The following PPM1L variants were observed in gnomAD, a reference collection of about 807,000 sequenced individuals.
PPM1L encodes protein phosphatase, Mg2+/Mn2+ dependent 1L.
PPM1L carries 13 observed loss-of-function variants against 31.4 expected under a neutral mutation model. The observed-to-expected ratio is 0.41, with a 90% CI of 0.27 to 0.66. The LOEUF (loss-of-function observed/expected upper bound fraction) is 0.66, where lower values mean the gene tolerates loss of function less well. Ranked by LOEUF, PPM1L falls within the 30% of genes least tolerant of loss-of-function variation. The pLI, the probability that PPM1L is intolerant of heterozygous loss-of-function variation, is 0.29. For missense variants in PPM1L, 326 were observed against 453.7 expected, an observed-to-expected ratio of 0.72 and a Z score of 2.56; for synonymous variants, 184 against 175.4, an observed-to-expected ratio of 1.05 and a Z score of -0.39.
At chr3:160,995,535 G>A (rs1717288492) in intron 2 of PPM1L, among the ~76,000 whole-genome samples, 2 of 152,078 alleles carry the variant, frequency 1.3e-5, no homozygotes, top group Non-Finnish European at 2.9e-5. Flanking sequence ...TGGCCAAGCT[G>A]GTCTCGAACT....
In PPM1L at chr3:161,073,304, A is replaced by C. The variant is rs1335895588; in HGVS notation, c.*4147A>C. 1 of 152,184 alleles carries C rather than the reference A, an allele frequency of 6.6e-6. No individual in the cohort carries two copies. Among genetic ancestry groups the C allele is most frequent in the Non-Finnish European group, 1.5e-5 (1 of 68,032 alleles). The allele number at this position is 152,184 out of a possible 1,614,324, so 9.4% of individuals were successfully genotyped here. ...TAATTTGACCACAGAAACTTTTTTG[A>C]GTGGCACCTAGTAACACTGCAAGGA... On this transcript the variant is annotated 3_prime_UTR_variant, in exon 4 of 4. Transcript: ENST00000498165.
chr3:161,015,088 G>A (rs1718040157), intron 2 of PPM1L, among the ~76,000 whole-genome samples: 2 of 150,732 alleles, frequency 1.3e-5, no homozygotes, highest in Admixed American at 1.3e-4. Flanking sequence ...GTAGCAAAGG[G>A]GGGTGAATGG....
chr3:161,069,017 C>G lies in PPM1L; in HGVS notation c.943C>G (p.Arg315Gly). The G allele has an allele frequency of 6.2e-7, 1 of 1,614,112 alleles. No individual in the cohort carries two copies. Among genetic ancestry groups the G allele is most frequent in the South Asian group, 1.1e-5 (1 of 91,070 alleles). Residue 315 changes from arginine (R) to glycine (G), a missense_variant, in exon 4 of 4, where the codon CGA becomes GGA. Arg to Gly is a moderately radical substitution (Grantham distance 125). Coordinates refer to ENST00000498165, the MANE Select transcript of PPM1L (RefSeq NM_139245.4). ...WDAFSNEEAV[R>G]FIKERLDEPH... ...TGCTTTCAGCAATGAAGAAGCAGTT[C>G]GATTCATCAAGGAGCGCTTGGATGA...
At chr3:161,037,180 G>A (rs914559931) in intron 2 of PPM1L, among the ~76,000 whole-genome samples, 1 of 152,120 alleles carries the variant, frequency 6.6e-6, no homozygotes, top group African/African-American at 2.4e-5. Flanking sequence ...AATGAATATA[G>A]CAGAAGTGAT....
At chr3:161,028,797 T>C (rs2108078134) in intron 2 of PPM1L, among the ~76,000 whole-genome samples, 1 of 152,284 alleles carries the variant, frequency 6.6e-6, no homozygotes, top group Middle Eastern at 3.4e-3. Context: ...AATAAAAGCT[T>C]ATCAGGATGC....
At chr3:161,040,424 G>A (rs1040354612) in intron 2 of PPM1L, among the ~76,000 whole-genome samples, 1 of 152,108 alleles carries the variant, frequency 6.6e-6, no homozygotes, top group African/African-American at 2.4e-5. Flanking sequence ...ATCCTTAAGG[G>A]TGGGTATTTT....
intron 2 of PPM1L, among the ~76,000 whole-genome samples, chr3:160,999,210 G>C (rs4679670): frequency 2.6e-5 from 4 of 152,126 alleles, no homozygotes; most frequent in African/African-American, 9.7e-5. Flanking sequence ...CCATTAATAT[G>C]TCCATTTTTA....
intron 2 of PPM1L, among the ~76,000 whole-genome samples, chr3:160,962,447 T>C (rs915073147): frequency 1.3e-5 from 2 of 152,156 alleles, no homozygotes; most frequent in Non-Finnish European, 2.9e-5. Context: ...AACATTATTT[T>C]AATCTATTAT....
intron 1 of PPM1L, among the ~76,000 whole-genome samples, chr3:160,835,627 C>T (rs372774184): frequency 6.6e-6 from 1 of 152,020 alleles, no homozygotes; most frequent in Non-Finnish European, 1.5e-5. Context: ...CTTATCTTGT[C>T]CACTCCTCTC....
At chr3:161,006,101 AC>A (rs1717695791) in intron 2 of PPM1L, among the ~76,000 whole-genome samples, 1 of 152,206 alleles carries the variant, frequency 6.6e-6, no homozygotes, top group Non-Finnish European at 1.5e-5. Context: ...TGAGGTCAAA[AC>A]AGCCCAAATG....
At chr3:160,944,955 A>C in intron 1 of PPM1L, among the ~76,000 whole-genome samples, 1 of 56,284 alleles carries the variant, frequency 1.8e-5, no homozygotes, top group African/African-American at 6.9e-5. Flanking sequence ...ACTATATATA[A>C]CTATATAACA....
intron 1 of PPM1L, among the ~76,000 whole-genome samples, chr3:160,809,625 GA>G (rs1468293047): frequency 2.0e-5 from 3 of 152,160 alleles, no homozygotes; most frequent in Non-Finnish European, 4.4e-5. Flanking sequence ...CTGACTTTGT[GA>G]AGGTTATTGG....
At chr3:160,876,623 A>G (rs1361484283) in intron 1 of PPM1L, among the ~76,000 whole-genome samples, 1 of 152,166 alleles carries the variant, frequency 6.6e-6, no homozygotes, top group Admixed American at 6.5e-5. Flanking sequence ...ACTGAATTCT[A>G]CTTTAGAGGA....
rs1203838506 is a variant in PPM1L at position 161,073,884 on chromosome 3, T to C, written c.*4727T>C. 1 of 152,192 alleles carries C rather than the reference T, an allele frequency of 6.6e-6. No individual in the cohort carries two copies. Among genetic ancestry groups the C allele is most frequent in the Non-Finnish European group, 1.5e-5 (1 of 68,034 alleles). The allele number at this position is 152,192 out of a possible 1,614,324, so 9.4% of individuals were successfully genotyped here. On this transcript the variant is annotated 3_prime_UTR_variant, in exon 4 of 4. Transcript: ENST00000498165. Reference sequence around the variant, plus strand: ...CCATCCCTTTCTTTTATATGAATAATGAGCAAGAGCCCTGCCATAGCTAAA... The same window carrying C: ...CCATCCCTTTCTTTTATATGAATAACGAGCAAGAGCCCTGCCATAGCTAAA...
At chr3:160,834,128 A>G (rs1179748765) in intron 1 of PPM1L, among the ~76,000 whole-genome samples, 1 of 147,470 alleles carries the variant, frequency 6.8e-6, no homozygotes, top group Non-Finnish European at 1.5e-5. Context: ...GGTTCACGCC[A>G]TTCTCCTGCC....
intron 1 of PPM1L, among the ~76,000 whole-genome samples, chr3:160,802,166 C>G (rs746800930): frequency 6.6e-6 from 1 of 152,176 alleles, no homozygotes; most frequent in Non-Finnish European, 1.5e-5. Context: ...TCATCTTAGT[C>G]TTTTTGGTTT....
rs566775142 is a variant in PPM1L, at chr3:161,012,623, A to G, written c.574+50713A>G. On this transcript the variant is annotated intron_variant, in intron 2 of 3. Transcript: ENST00000498165. ...AGTTCCTCCTTGTACCTCTGGTAGA[A>G]TTTGGCTGTGAATCCATCTGGTCCT... is the stretch of plus-strand genomic sequence containing the variant. Among the ~76,000 whole-genome samples the G allele has an allele frequency of 3.8e-4, 58 of 151,914 alleles. 1 individual carries two copies. The South Asian group carries it at 0.01, about 27-fold the overall frequency.
rs1711595713 is a variant in PPM1L, at chr3:160,777,455, A to G, written c.399+20748A>G. ...TTATATGTGTTCACATTGTTATGCAATAGCTATCTAGAAGTTTTTTATCTG... is the reference window on the plus strand; with the variant it reads ...TTATATGTGTTCACATTGTTATGCAGTAGCTATCTAGAAGTTTTTTATCTG... On this transcript the variant is annotated intron_variant, in intron 1 of 3. Coordinates refer to ENST00000498165, the MANE Select transcript of PPM1L (RefSeq NM_139245.4). 5.3e-5 allele frequency among the ~76,000 whole-genome samples: 8 copies of G among 152,168 alleles called. No homozygotes were observed. The South Asian group carries it at 1.4e-3, about 28-fold the overall frequency.
intron 1 of PPM1L, among the ~76,000 whole-genome samples, chr3:160,882,071 T>G (rs1281289456): frequency 7.3e-5 from 11 of 151,612 alleles, no homozygotes; most frequent in Non-Finnish European, 1.6e-4. Context: ...AAAAAGTATG[T>G]ATTCCATATC....
Sources: gnomAD v4.1 joint callset for allele counts (sites outside exome capture counted in the v4.1 genomes callset) on GRCh38, gnomAD v4.1.1 for gene constraint, MANE v1.5 for transcripts, NCBI Gene and HGNC (gene_info 2026-07-23, HGNC 2026-07-21) for gene names.